Variants in LINC00305 observed in about 807,000 individuals in gnomAD.
LINC00305 encodes the protein long intergenic non-protein coding RNA 305.
intron 3 of LINC00305, among the ~76,000 whole-genome samples, chr18:64,097,315 T>C (rs1482338691): frequency 6.6e-6 from 1 of 152,150 alleles, no homozygotes; most frequent in African/African-American, 2.4e-5. Context: ...TTATATTATA[T>C]ACAATTATGT....
At chr18:64,115,800 G>T (rs942391317) in intron 1 of LINC00305, among the ~76,000 whole-genome samples, 2 of 151,970 alleles carry the variant, frequency 1.3e-5, no homozygotes, top group East Asian at 1.9e-4. Flanking sequence ...CTCATTAAAA[G>T]CTTCTTGCCA....
chr18:64,084,530 C>T (rs571777866), intron 3 of LINC00305, among the ~76,000 whole-genome samples: 1 of 152,262 alleles, frequency 6.6e-6, no homozygotes, highest in South Asian at 2.1e-4. Context: ...TTTCTTTAGC[C>T]TTCATATTTT....
At chr18:64,095,367 G>C (rs2051241298) in intron 3 of LINC00305, among the ~76,000 whole-genome samples, 2 of 152,114 alleles carry the variant, frequency 1.3e-5, no homozygotes, top group Admixed American at 1.3e-4. Flanking sequence ...TCCAGGAAAG[G>C]AGCTAGTTTT....
intron 3 of LINC00305, among the ~76,000 whole-genome samples, chr18:64,096,767 C>A (rs536417509): frequency 6.6e-6 from 1 of 151,610 alleles, no homozygotes; most frequent in Non-Finnish European, 1.5e-5. Context: ...TATTACAAAA[C>A]GTAGTAAGTT....
At chr18:64,148,600 G>C (rs954224968) in intron 1 of LINC00305, among the ~76,000 whole-genome samples, 2 of 152,060 alleles carry the variant, frequency 1.3e-5, no homozygotes, top group African/African-American at 4.8e-5. Context: ...CCAGATTTAG[G>C]CTCTTTCTAA....
intron 1 of LINC00305, among the ~76,000 whole-genome samples, chr18:64,114,542 ATGGGTT>A (rs1213543712): frequency 6.6e-6 from 1 of 151,974 alleles, no homozygotes; most frequent in Non-Finnish European, 1.5e-5. Flanking sequence ...CATTTATTTT[ATGGGTT>A]TTGTTTGTTG....
At chr18:64,099,228 T>C (rs1188566271) in intron 1 of LINC00305, among the ~76,000 whole-genome samples, 1 of 152,210 alleles carries the variant, frequency 6.6e-6, no homozygotes, top group Non-Finnish European at 1.5e-5. Flanking sequence ...CTGTGTATTC[T>C]ATGGTCCCTA....
intron 1 of LINC00305, among the ~76,000 whole-genome samples, chr18:64,140,975 G>A (rs1390673421): frequency 6.8e-6 from 1 of 147,628 alleles, no homozygotes; most frequent in Non-Finnish European, 1.5e-5. Context: ...GCCCTCAGCT[G>A]TCAGCCAGCA....
At chr18:64,112,139 G>A (rs529787168) in intron 1 of LINC00305, among the ~76,000 whole-genome samples, 4 of 152,158 alleles carry the variant, frequency 2.6e-5, no homozygotes, top group South Asian at 4.2e-4. Context: ...TCAGCCTGCC[G>A]CAGATGCTCC....
chr18:64,125,296 T>C (rs2051379807), intron 1 of LINC00305, among the ~76,000 whole-genome samples: 1 of 152,106 alleles, frequency 6.6e-6, no homozygotes, highest in African/African-American at 2.4e-5. Context: ...CCTGGGCATC[T>C]GCTACCACTC....
intron 1 of LINC00305, among the ~76,000 whole-genome samples, chr18:64,111,638 G>A (rs961598145): frequency 1.7e-5 from 2 of 117,136 alleles, no homozygotes; most frequent in Non-Finnish European, 3.6e-5. Context: ...CCCTGTTACC[G>A]TGTATGCTGC....
chr18:64,144,545 G>A (rs2051487654), intron 1 of LINC00305, among the ~76,000 whole-genome samples: 2 of 151,672 alleles, frequency 1.3e-5, no homozygotes, highest in South Asian at 4.2e-4. Context: ...TTTTGCTTTT[G>A]TTGCCCAGGC....
chr18:64,111,395 A>G (rs952407524), intron 1 of LINC00305, among the ~76,000 whole-genome samples: 1 of 152,194 alleles, frequency 6.6e-6, no homozygotes, highest in Non-Finnish European at 1.5e-5. Context: ...CGTGACACAC[A>G]GTAGGTTCTC....
At chr18:64,120,569 G>T (rs149312213) in intron 1 of LINC00305, among the ~76,000 whole-genome samples, 2 of 152,016 alleles carry the variant, frequency 1.3e-5, no homozygotes, top group African/African-American at 4.8e-5. Flanking sequence ...TTGCATTTGT[G>T]AGATGTCTGG....
intron 1 of LINC00305, among the ~76,000 whole-genome samples, chr18:64,118,320 C>G (rs1013285383): frequency 6.6e-6 from 1 of 152,184 alleles, no homozygotes; most frequent in Non-Finnish European, 1.5e-5. Flanking sequence ...GATATACATA[C>G]AGTCTACGAA....
At chr18:64,146,534 C>T (rs1022205051) in intron 1 of LINC00305, among the ~76,000 whole-genome samples, 5 of 152,174 alleles carry the variant, frequency 3.3e-5, no homozygotes, top group South Asian at 2.1e-4. Flanking sequence ...GGTGCCCCAA[C>T]GGTCATCCCC....
chr18:64,109,597 G>A (rs578173443), intron 1 of LINC00305, among the ~76,000 whole-genome samples: 12 of 151,546 alleles, frequency 7.9e-5, no homozygotes, highest in South Asian at 2.1e-4. Flanking sequence ...TGTATTCAGC[G>A]TCTACCAGTT....
intron 3 of LINC00305, among the ~76,000 whole-genome samples, chr18:64,088,081 C>T (rs1313651121): frequency 2.6e-5 from 4 of 151,892 alleles, no homozygotes; most frequent in African/African-American, 9.7e-5. Context: ...CGGAGCTTGC[C>T]GTGAGCCGAG....
At position 64,147,961 on chromosome 18, in the gene LINC00305, A is replaced by C. The variant is rs957393388; in HGVS notation, n.314+814T>G. On this transcript the variant is annotated intron_variant and non_coding_transcript_variant, in intron 1 of 3. Coordinates refer to ENST00000666468, the Ensembl canonical transcript of LINC00305. ...CAGTGAACACCATTCACAATAGCAC[A>C]CATTCTTTCTGGGACATCTGGTAAC... Among the ~76,000 whole-genome samples, 4 of 151,596 alleles carry C rather than the reference A, an allele frequency of 2.6e-5. No homozygotes were observed. The East Asian group carries it at 7.7e-4, about 29-fold the overall frequency.
Sources: allele counts gnomAD v4.1 joint callset (sites outside exome capture counted in the v4.1 genomes callset), GRCh38; gene constraint gnomAD v4.1.1; transcripts MANE v1.5; gene names NCBI Gene and HGNC (gene_info 2026-07-23, HGNC 2026-07-21).